Variants in CHN2 observed in about 807,000 individuals in gnomAD.
The protein encoded by CHN2 is beta-chimaerin.
Under a neutral mutation model 56.3 loss-of-function variants are expected in CHN2, and 35 were observed. The observed-to-expected ratio is 0.62, with a 90% CI of 0.47 to 0.82. CHN2 has a LOEUF of 0.82. Ranked by LOEUF, CHN2 falls within the 40% of genes least tolerant of loss-of-function variation. The pLI, the probability that CHN2 is intolerant of heterozygous loss-of-function variation, is 0.00. For synonymous variants in CHN2, 210 were observed against 212.8 expected, an observed-to-expected ratio of 0.99 and a Z score of 0.12; for missense variants, 491 against 580.5, an observed-to-expected ratio of 0.85 and a Z score of 1.58.
intron 1 of CHN2, among the ~76,000 whole-genome samples, chr7:29,218,059 T>C (rs974533323): frequency 6.6e-6 from 1 of 152,102 alleles, no homozygotes; most frequent in African/African-American, 2.4e-5. Flanking sequence ...TTTAACCCTT[T>C]TCATCTTACA....
intron 1 of CHN2, among the ~76,000 whole-genome samples, chr7:29,318,988 C>T (rs1387339808): frequency 6.6e-6 from 1 of 152,170 alleles, no homozygotes; most frequent in Non-Finnish European, 1.5e-5. Flanking sequence ...GAGTAGTGCA[C>T]ACCGCAAGCT....
In CHN2 at chr7:29,509,418, T is replaced by C. The variant is rs962835568; in HGVS notation, c.1235+12T>C. ...ATCCACCTCAAAAAGTAAGCTCATG[T>C]CTCGTGCACAAAGCCTGCTCTGCTC... On this transcript the variant is annotated intron_variant, in intron 12 of 12. Coordinates refer to ENST00000222792, the MANE Select transcript of CHN2 (RefSeq NM_004067.4). 1.9e-6 allele frequency: 3 copies of C among 1,601,756 alleles called. No homozygotes were observed. In the African/African-American group the frequency reaches 4.0e-5, roughly 21 times the overall value.
At chr7:29,151,703 C>T (rs1793619059) in intron 2 of CHN2, among the ~76,000 whole-genome samples, 1 of 152,186 alleles carries the variant, frequency 6.6e-6, no homozygotes, top group African/African-American at 2.4e-5. Context: ...TAGGAGTAGA[C>T]CGATGGCATC....
At chr7:29,332,627 A>G (rs147453414) in intron 1 of CHN2, among the ~76,000 whole-genome samples, 42 of 152,040 alleles carry the variant, frequency 2.8e-4, no homozygotes, top group African/African-American at 9.6e-4. Flanking sequence ...TTGCCAAGTG[A>G]TTTTTGGATA....
At chr7:29,397,251 A>T (rs1339687355) in intron 4 of CHN2, 1 of 152,212 alleles carries the variant, frequency 6.6e-6, no homozygotes, top group Admixed American at 6.5e-5. Context: ...GGAAATAAAT[A>T]TTGTGATAGG....
chr7:29,233,825 ATTTTTTTTTTTTTTT>A (rs1175429614), intron 1 of CHN2, among the ~76,000 whole-genome samples: 1 of 53,178 alleles, frequency 1.9e-5, no homozygotes, highest in Non-Finnish European at 3.4e-5. Context: ...CAACACCTTG[ATTTTTTTTTTTTTTT>A]TTTTTTTTTT....
At chr7:29,295,136 G>C (rs1793018758) in intron 1 of CHN2, among the ~76,000 whole-genome samples, 1 of 152,142 alleles carries the variant, frequency 6.6e-6, no homozygotes, top group Non-Finnish European at 1.5e-5. Flanking sequence ...TAAATGCTAT[G>C]TAAATAGTTG....
chr7:29,508,034 C>T (rs1790804414), intron 11 of CHN2, among the ~76,000 whole-genome samples: 1 of 152,084 alleles, frequency 6.6e-6, no homozygotes, highest in Non-Finnish European at 1.5e-5. Context: ...GAATAGAGGG[C>T]CAGAATACAC....
At chr7:29,420,129 G>A (rs532524998) in intron 6 of CHN2, among the ~76,000 whole-genome samples, 9 of 151,948 alleles carry the variant, frequency 5.9e-5, no homozygotes, top group Non-Finnish European at 1.0e-4. Flanking sequence ...AACAAGTGTT[G>A]GTATGGATGT....
rs140088978 is a variant in CHN2, at chr7:29,429,911, G to A, written c.576+29083G>A. On this transcript the variant is annotated intron_variant, in intron 6 of 12. Coordinates refer to ENST00000222792, the MANE Select transcript of CHN2 (RefSeq NM_004067.4). ...ATTTAAGCTTCGTAGCTATATCTTC[G>A]ATTTCATATGCTGTTTGTGTTATAA... Among the ~76,000 whole-genome samples, 30 of 152,206 alleles carry A rather than the reference G, an allele frequency of 2.0e-4. No homozygotes were observed. In the East Asian group the frequency reaches 4.0e-3, roughly 21 times the overall value.
intron 2 of CHN2, among the ~76,000 whole-genome samples, chr7:29,154,335 C>T (rs1423995437): frequency 6.6e-6 from 1 of 152,194 alleles, no homozygotes; most frequent in African/African-American, 2.4e-5. Flanking sequence ...GTGAATCAGC[C>T]TCTAGCATGT....
At chr7:29,417,739 A>C (rs145445050) in intron 6 of CHN2, among the ~76,000 whole-genome samples, 3 of 152,350 alleles carry the variant, frequency 2.0e-5, no homozygotes, top group African/African-American at 7.2e-5. Context: ...TTTAGAATAC[A>C]GTCCACTAGG....
chr7:29,328,052 ATAGT>A (rs1233988745), intron 1 of CHN2, among the ~76,000 whole-genome samples: 2 of 152,264 alleles, frequency 1.3e-5, no homozygotes, highest in African/African-American at 2.4e-5. Context: ...AGGCACAGAG[ATAGT>A]TAGTGTCCAT....
intron 6 of CHN2, among the ~76,000 whole-genome samples, chr7:29,435,641 T>A (rs1309032487): frequency 1.3e-5 from 2 of 152,128 alleles, no homozygotes; most frequent in Non-Finnish European, 2.9e-5. Flanking sequence ...ATTATAATAT[T>A]ATAATCTTAT....
intron 1 of CHN2, among the ~76,000 whole-genome samples, chr7:29,282,059 C>T (rs954186465): frequency 2.6e-5 from 4 of 152,188 alleles, no homozygotes; most frequent in Admixed American, 2.6e-4. Flanking sequence ...ACTATGACCT[C>T]ATCTGGTTTT....
intron 9 of CHN2, 81 bp from the exon 10 acceptor site, chr7:29,504,663 G>C (rs898543385): frequency 2.3e-6 from 2 of 883,742 alleles, no homozygotes; most frequent in Admixed American, 2.1e-5. Flanking sequence ...ATAGCATGTA[G>C]TATAGACGTG....
intron 6 of CHN2, among the ~76,000 whole-genome samples, chr7:29,437,873 G>A (rs767441814): frequency 6.6e-6 from 1 of 152,180 alleles, no homozygotes; most frequent in African/African-American, 2.4e-5. Context: ...AGGGGTCAGA[G>A]CAAGAGGCTA....
intron 3 of CHN2, among the ~76,000 whole-genome samples, chr7:29,374,054 T>C (rs2128048053): frequency 6.6e-6 from 1 of 152,362 alleles, no homozygotes; most frequent in South Asian, 2.1e-4. Context: ...TACCTTTTAA[T>C]TGGCTTTATG....
intron 6 of CHN2, among the ~76,000 whole-genome samples, chr7:29,471,830 T>C (rs1013510343): frequency 1.3e-5 from 2 of 152,172 alleles, no homozygotes; most frequent in East Asian, 1.9e-4. Flanking sequence ...ACCAGGACTA[T>C]ACAGCTTGAA....
Sources: gnomAD v4.1 joint callset for allele counts (sites outside exome capture counted in the v4.1 genomes callset) on GRCh38, gnomAD v4.1.1 for gene constraint, MANE v1.5 for transcripts, NCBI Gene and HGNC (gene_info 2026-07-23, HGNC 2026-07-21) for gene names.